Variants in SAMD12 observed in about 807,000 individuals in gnomAD.
SAMD12 encodes the protein sterile alpha motif domain-containing protein 12.
In SAMD12, 9 loss-of-function variants were observed where a neutral mutation model predicts 15.0. The observed-to-expected ratio is 0.60, with a 90% CI of 0.36 to 1.05. The LOEUF is 1.05. Among genes scored for constraint, SAMD12 ranks in the 50% least tolerant of loss-of-function variants. The pLI is 0.01. For synonymous variants in SAMD12, 86 were observed against 90.1 expected, an observed-to-expected ratio of 0.96 and a Z score of 0.25; for missense variants, 230 against 234.2, an observed-to-expected ratio of 0.98 and a Z score of 0.12.
intron 4 of SAMD12, among the ~76,000 whole-genome samples, chr8:118,203,213 A>C (rs1449631178): frequency 6.6e-6 from 1 of 152,230 alleles, no homozygotes; most frequent in Non-Finnish European, 1.5e-5. Flanking sequence ...TCAAACATGA[A>C]TCCTATACAT....
At chr8:118,156,154 C>T in the SAMD12 span, among the ~76,000 whole-genome samples, 3 of 152,146 alleles carry the variant, frequency 2.0e-5, no homozygotes, top group East Asian at 5.8e-4. Flanking sequence ...ATCTATTATT[C>T]CAGCTTAAGC....
chr8:118,274,910 T>C (rs1813437787), intron 4 of SAMD12, among the ~76,000 whole-genome samples: 1 of 152,214 alleles, frequency 6.6e-6, no homozygotes, highest in South Asian at 2.1e-4. Flanking sequence ...TCAAAGTTGC[T>C]ATGAATATTC....
intron 4 of SAMD12, among the ~76,000 whole-genome samples, chr8:118,279,159 A>G (rs1008347881): frequency 4.6e-5 from 7 of 152,208 alleles, no homozygotes; most frequent in Non-Finnish European, 4.4e-5. Flanking sequence ...CTCCGATGCA[A>G]AAACGAAGAT....
At position 118,533,240 on chromosome 8, in the gene SAMD12, T is replaced by C. The variant is rs1389490910; in HGVS notation, c.192+47475A>G. 8.5e-5 allele frequency among the ~76,000 whole-genome samples: 13 copies of C among 152,346 alleles called. No homozygotes were observed. The East Asian group carries it at 1.9e-3, about 23-fold the overall frequency. On this transcript the variant is annotated intron_variant, in intron 2 of 3. Coordinates refer to ENST00000314727, the MANE Select transcript of SAMD12 (RefSeq NM_207506.3). ...AGCAGGTTGTTGAGTTTCCATGTAG[T>C]TGAGCGGTTTTGAGTGAGTTTCTTA...
chr8:118,520,879 T>C (rs1020208126), intron 2 of SAMD12, among the ~76,000 whole-genome samples: 3 of 152,196 alleles, frequency 2.0e-5, no homozygotes, highest in Non-Finnish European at 4.4e-5. Flanking sequence ...CTTTTTTATA[T>C]GTATTCTGGG....
chr8:118,584,450 C>T (rs1182840481), intron 1 of SAMD12, among the ~76,000 whole-genome samples: 4 of 152,106 alleles, frequency 2.6e-5, no homozygotes, highest in Non-Finnish European at 5.9e-5. Context: ...ATTTAATGGG[C>T]TTGGCAGCTC....
intron 2 of SAMD12, among the ~76,000 whole-genome samples, chr8:118,543,631 C>CTTTCTTTTTTTTTT (rs1826044882): frequency 8.6e-6 from 1 of 116,634 alleles, no homozygotes; most frequent in African/African-American, 3.6e-5. Flanking sequence ...TTCTTTCTTT[C>CTTTCTTTTTTTTTT]TTTTTTTTTT....
chr8:118,342,631 C>G (rs186684837), intron 4 of SAMD12, among the ~76,000 whole-genome samples: 120 of 152,182 alleles, frequency 7.9e-4, no homozygotes, highest in African/African-American at 2.7e-3. Context: ...GAAAGAAAAA[C>G]AAAAAGAATC....
intron 4 of SAMD12, among the ~76,000 whole-genome samples, chr8:118,212,828 T>C (rs1455392545): frequency 2.6e-5 from 4 of 152,214 alleles, no homozygotes; most frequent in Non-Finnish European, 5.9e-5. Flanking sequence ...CCATGTGACC[T>C]ACAGTGATTA....
chr8:118,437,135 C>T (rs1002791810), intron 3 of SAMD12, among the ~76,000 whole-genome samples: 2 of 152,156 alleles, frequency 1.3e-5, no homozygotes, highest in Non-Finnish European at 2.9e-5. Flanking sequence ...TATTGGGATT[C>T]CCACAGCTTC....
chr8:118,375,403 C>A (rs1031836344), downstream of SAMD12, among the ~76,000 whole-genome samples: 3 of 152,100 alleles, frequency 2.0e-5, no homozygotes, highest in African/African-American at 7.2e-5. Flanking sequence ...CACTAAACAT[C>A]ACTGAATTTT....
chr8:118,367,116 G>C (rs1173895018), intron 4 of SAMD12, among the ~76,000 whole-genome samples: 2 of 151,470 alleles, frequency 1.3e-5, no homozygotes, highest in African/African-American at 4.9e-5. Flanking sequence ...TGGGAGGCTT[G>C]AACATCTACA....
intron 3 of SAMD12, among the ~76,000 whole-genome samples, chr8:118,402,830 C>T (rs1420599696): frequency 6.6e-6 from 1 of 152,152 alleles, no homozygotes; most frequent in Admixed American, 6.5e-5. Context: ...ACTATATGAC[C>T]TCTGATAACA....
intron 4 of SAMD12, among the ~76,000 whole-genome samples, chr8:118,238,719 C>A (rs1812491836): frequency 6.6e-6 from 1 of 152,078 alleles, no homozygotes; most frequent in Non-Finnish European, 1.5e-5. Flanking sequence ...TTTACAATAG[C>A]CTTATCAGTA....
At chr8:118,320,688 G>A (rs560831922) in intron 4 of SAMD12, among the ~76,000 whole-genome samples, 1 of 149,400 alleles carries the variant, frequency 6.7e-6, no homozygotes, top group African/African-American at 2.5e-5. Flanking sequence ...GGGTGGGGAG[G>A]GATAGCATTA....
chr8:118,472,967 C>T (rs1289099771), intron 2 of SAMD12, among the ~76,000 whole-genome samples: 2 of 152,072 alleles, frequency 1.3e-5, no homozygotes, highest in African/African-American at 2.4e-5. Context: ...TTCCCATTTG[C>T]TCACCTGATA....
intron 4 of SAMD12, among the ~76,000 whole-genome samples, chr8:118,205,101 A>T (rs897650426): frequency 1.2e-4 from 18 of 152,222 alleles, no homozygotes; most frequent in Admixed American, 6.5e-5. Flanking sequence ...AGGCCTAAAG[A>T]GAATAGGCTG....
intron 4 of SAMD12, among the ~76,000 whole-genome samples, chr8:118,236,837 G>A (rs1039826641): frequency 1.3e-5 from 2 of 152,150 alleles, no homozygotes; most frequent in African/African-American, 2.4e-5. Flanking sequence ...CTCGCAGCAC[G>A]GCACTATTAA....
Position 118,454,859 on chromosome 8 carries a change from C to G in SAMD12, c.193-14898G>C, listed in dbSNP as rs141044816. Among the ~76,000 whole-genome samples, 20 of 152,308 alleles carry G rather than the reference C, an allele frequency of 1.3e-4. No individual in the cohort carries two copies. The East Asian group carries it at 3.5e-3, about 26-fold the overall frequency. On this transcript the variant is annotated intron_variant, in intron 2 of 3. Coordinates refer to ENST00000314727, the MANE Select transcript of SAMD12 (RefSeq NM_207506.3). ...TTCTGCTTCTGTGAGTTTGCCTACT[C>G]TATCCTCATATAAGTGGATTCAGGC... is the stretch of plus-strand genomic sequence containing the variant.
Sources: allele counts gnomAD v4.1 joint callset (sites outside exome capture counted in the v4.1 genomes callset), GRCh38; gene constraint gnomAD v4.1.1; transcripts MANE v1.5; gene names NCBI Gene and HGNC (gene_info 2026-07-23, HGNC 2026-07-21).